The following THSD4 variants were observed in gnomAD, a reference collection of about 807,000 sequenced individuals.
The protein encoded by THSD4 is thrombospondin type-1 domain-containing protein 4.
In THSD4, 69 loss-of-function variants were observed where a neutral mutation model predicts 119.0. That is an observed-to-expected ratio of 0.58 (90% CI 0.48 to 0.71). The LOEUF is 0.71. Ranked by LOEUF, THSD4 falls within the 30% of genes least tolerant of loss-of-function variation. The probability of loss-of-function intolerance (pLI) is 0.00; values close to 1 mark genes in which losing one functional copy is unlikely to be tolerated. For synonymous variants in THSD4, 524 were observed against 540.4 expected (o/e 0.97, Z 0.42); for missense variants, 1,393 against 1,391.1 (o/e 1.00, Z -0.02).
intron 8 of THSD4, among the ~76,000 whole-genome samples, chr15:71,697,930 A>G (rs1235673765): frequency 2.1e-5 from 3 of 140,402 alleles, no homozygotes; most frequent in Admixed American, 1.4e-4. Flanking sequence ...TTTTTTTTTT[A>G]TGGGGGTAGA....
At chr15:71,382,226 T>C (rs2046237733) in intron 6 of THSD4, among the ~76,000 whole-genome samples, 1 of 152,142 alleles carries the variant, frequency 6.6e-6, no homozygotes, top group South Asian at 2.1e-4. Context: ...GGAAAGTGTT[T>C]CGGTAAAACA....
intron 8 of THSD4, among the ~76,000 whole-genome samples, chr15:71,720,613 C>T (rs1215068876): frequency 1.3e-5 from 2 of 152,134 alleles, no homozygotes; most frequent in East Asian, 3.9e-4. Flanking sequence ...CAGAACCCAC[C>T]AAGGCAGTAC....
chr15:71,277,292 A>C (rs1242370341), intron 6 of THSD4, among the ~76,000 whole-genome samples: 1 of 151,556 alleles, frequency 6.6e-6, no homozygotes, highest in Non-Finnish European at 1.5e-5. Context: ...CGCCCACCTA[A>C]TGTTTGTATT....
intron 7 of THSD4, among the ~76,000 whole-genome samples, chr15:71,569,181 C>T (rs924752248): frequency 5.3e-5 from 8 of 152,170 alleles, no homozygotes; most frequent in Admixed American, 3.3e-4. Context: ...CCTGAAGCAG[C>T]GGAGATTCTG....
chr15:71,613,993 A>T (rs920221614), intron 7 of THSD4, among the ~76,000 whole-genome samples: 8 of 152,210 alleles, frequency 5.3e-5, no homozygotes, highest in Admixed American at 3.3e-4. Flanking sequence ...ATATTCATTA[A>T]TGCAACTTTT....
chr15:71,171,346 G>A (rs1459098647), intron 3 of THSD4, among the ~76,000 whole-genome samples: 2 of 152,140 alleles, frequency 1.3e-5, no homozygotes, highest in Admixed American at 6.5e-5. Context: ...TAGATTCTCT[G>A]CCTCCTGTCA....
At chr15:71,472,103 G>T (rs2047588822) in intron 7 of THSD4, among the ~76,000 whole-genome samples, 1 of 152,174 alleles carries the variant, frequency 6.6e-6, no homozygotes, top group Admixed American at 6.5e-5. Context: ...TTTTTGTAGA[G>T]ACAGGGCCTC....
intron 4 of THSD4, among the ~76,000 whole-genome samples, chr15:71,240,260 C>G (rs905662227): frequency 1.3e-5 from 2 of 152,184 alleles, no homozygotes; most frequent in Non-Finnish European, 2.9e-5. Flanking sequence ...TGAGTGAGCT[C>G]CAGCAGGGCA....
chr15:71,709,435 GAGA>G (rs778387627), intron 8 of THSD4, among the ~76,000 whole-genome samples: 3 of 152,206 alleles, frequency 2.0e-5, no homozygotes, highest in East Asian at 3.9e-4. Context: ...GTGGACTGTG[GAGA>G]AGAAGGGGCA....
At chr15:71,524,625 C>G (rs2048491249) in intron 7 of THSD4, among the ~76,000 whole-genome samples, 1 of 104,074 alleles carries the variant, frequency 9.6e-6, no homozygotes, top group African/African-American at 3.6e-5. Context: ...TGAGACGAGT[C>G]TCTATCTGTC....
chr15:71,428,683 A>G (rs2046905273), intron 7 of THSD4, among the ~76,000 whole-genome samples: 1 of 152,240 alleles, frequency 6.6e-6, no homozygotes, highest in African/African-American at 2.4e-5. Context: ...AGATGAAAAC[A>G]CTTGAATTCT....
intron 8 of THSD4, among the ~76,000 whole-genome samples, chr15:71,691,789 C>T (rs2052055514): frequency 1.3e-5 from 2 of 152,008 alleles, no homozygotes; most frequent in African/African-American, 2.4e-5. Context: ...ACTGCCTTGC[C>T]CTGGGGATCC....
At chr15:71,207,014 A>T (rs1388411956) in intron 3 of THSD4, among the ~76,000 whole-genome samples, 1 of 152,124 alleles carries the variant, frequency 6.6e-6, no homozygotes, top group African/African-American at 2.4e-5. Context: ...GTGTCGTTAT[A>T]AGTTTATATT....
intron 1 of THSD4, among the ~76,000 whole-genome samples, chr15:71,107,526 G>A (rs1306723225): frequency 6.6e-6 from 1 of 152,232 alleles, no homozygotes; most frequent in African/African-American, 2.4e-5. Flanking sequence ...CACAATATCT[G>A]ATTGCATGTC....
At chr15:71,429,335 A>T (rs983740875) in intron 7 of THSD4, among the ~76,000 whole-genome samples, 1 of 152,224 alleles carries the variant, frequency 6.6e-6, no homozygotes, top group Non-Finnish European at 1.5e-5. Flanking sequence ...GTGGCCTGGG[A>T]CAAAGTCTGT....
intron 7 of THSD4, among the ~76,000 whole-genome samples, chr15:71,554,363 G>A (rs1374386922): frequency 6.6e-6 from 1 of 151,402 alleles, no homozygotes; most frequent in East Asian, 2.0e-4. Context: ...CCAAAGTGCT[G>A]AGATTACAGG....
intron 6 of THSD4, among the ~76,000 whole-genome samples, chr15:71,347,126 G>A (rs143457369): frequency 2.0e-4 from 30 of 152,118 alleles, no homozygotes; most frequent in Non-Finnish European, 4.1e-4. Flanking sequence ...TGCCCGCCTC[G>A]GTGTCCCAAA....
intron 3 of THSD4, among the ~76,000 whole-genome samples, chr15:71,211,905 T>G (rs1221612664): frequency 6.6e-6 from 1 of 152,214 alleles, no homozygotes; most frequent in Admixed American, 6.5e-5. Context: ...TTTTGCTGCC[T>G]GTCACTAACA....
chr15:71,156,481 G>A (rs1473673744), intron 3 of THSD4, among the ~76,000 whole-genome samples: 1 of 151,848 alleles, frequency 6.6e-6, no homozygotes, highest in East Asian at 1.9e-4. Context: ...GGCTAGTCTC[G>A]AACTCCTGAC....
Sources: allele counts gnomAD v4.1 joint callset (sites outside exome capture counted in the v4.1 genomes callset), GRCh38; gene constraint gnomAD v4.1.1; transcripts MANE v1.5; gene names NCBI Gene and HGNC (gene_info 2026-07-23, HGNC 2026-07-21).